Variants in PDS5B observed in about 807,000 individuals in gnomAD.
PDS5B encodes PDS5 cohesin associated factor B.
In PDS5B, 51 loss-of-function variants were observed where a neutral mutation model predicts 184.1. That is an observed-to-expected ratio of 0.28 (90% CI 0.22 to 0.35). PDS5B has a LOEUF of 0.35. Among genes scored for constraint, PDS5B ranks in the 10% least tolerant of loss-of-function variants. The pLI, the probability that PDS5B is intolerant of heterozygous loss-of-function variation, is 1.00. For missense variants in PDS5B, 1,180 were observed against 1,723.3 expected (o/e 0.68, Z 5.58); for synonymous variants, 566 against 569.2 (o/e 0.99, Z 0.08).
At chr13:32,661,646 G>A (rs1002999195) in intron 6 of PDS5B, among the ~76,000 whole-genome samples, 8 of 151,730 alleles carry the variant, frequency 5.3e-5, no homozygotes, top group African/African-American at 1.2e-4. Context: ...GGTTAAAGCC[G>A]TTAATTTATG....
At chr13:32,767,311 A>G (rs1365189650) in intron 31 of PDS5B, among the ~76,000 whole-genome samples, 1 of 152,222 alleles carries the variant, frequency 6.6e-6, no homozygotes, top group Non-Finnish European at 1.5e-5. Flanking sequence ...CATTCTTCCT[A>G]AAGGCAAAAT....
intron 1 of PDS5B, among the ~76,000 whole-genome samples, chr13:32,616,457 G>C (rs2058221322): frequency 6.6e-6 from 1 of 152,128 alleles, no homozygotes; most frequent in African/African-American, 2.4e-5. Context: ...TTTGGATTTT[G>C]AGCCAGCACA....
chr13:32,775,654 CCTCT>C lies in PDS5B; in HGVS notation c.*603_*606del, dbSNP rs1323225724. 1 of 456,218 alleles carries C rather than the reference CCTCT, an allele frequency of 2.2e-6. No homozygotes were observed. Among genetic ancestry groups the C allele is most frequent in the South Asian group, 1.6e-5 (1 of 64,504 alleles). 28.3% of individuals were successfully genotyped at this position (456,218 alleles called of 1,614,324 possible). A position where few individuals can be genotyped will look rare whatever the true frequency, so the allele number is the denominator to read the frequency against. On this transcript the variant is annotated 3_prime_UTR_variant, in exon 35 of 35. Coordinates refer to ENST00000315596, the MANE Select transcript of PDS5B (RefSeq NM_015032.4). The stretch of plus-strand genomic sequence containing the variant: ...TGTCTGCCATTACACCAGAAGGATG[CCTCT>C]GATAGGAGGACAACCATGCAAATTG...
intron 20 of PDS5B, among the ~76,000 whole-genome samples, chr13:32,734,145 A>G (rs751263456): frequency 1.3e-5 from 2 of 151,686 alleles, no homozygotes; most frequent in African/African-American, 2.4e-5. Flanking sequence ...TTCCTGGCTT[A>G]GCCTCCTGAG....
intron 1 of PDS5B, among the ~76,000 whole-genome samples, chr13:32,597,601 G>A (rs917712737): frequency 2.6e-5 from 4 of 151,876 alleles, no homozygotes; most frequent in Non-Finnish European, 2.9e-5. Context: ...TGAGGCCGAG[G>A]GGGGGGCGGC....
At chr13:32,773,075 A>G in intron 33 of PDS5B, 114 bp from the exon 34 acceptor site, 1 of 807,494 alleles carries the variant, frequency 1.2e-6, no homozygotes, top group East Asian at 2.7e-5. Flanking sequence ...TGTCTCATAA[A>G]GTAACTGAGG....
At chr13:32,724,177 T>G (rs1396493156) in intron 19 of PDS5B, among the ~76,000 whole-genome samples, 1 of 152,178 alleles carries the variant, frequency 6.6e-6, no homozygotes, top group East Asian at 1.9e-4. Flanking sequence ...AGTGCAGTAG[T>G]CAGATCGTAG....
chr13:32,649,066 A>G, intron 2 of PDS5B, 186 bp downstream of exon 2: 1 of 501,330 alleles, frequency 2.0e-6, no homozygotes, highest in Non-Finnish European at 3.5e-6. Context: ...CTATGATTAA[A>G]GGGACAGCAA....
Position 32,696,891 on chromosome 13 carries a change from T to A in PDS5B, c.1589T>A (p.Met530Lys), listed in dbSNP as rs1192303784. The change falls in exon 15 of 35, where the codon ATG (methionine) becomes AAG (lysine). Residue 530 changes from methionine (M) to lysine (K), a missense_variant. Physicochemically the swap from Met to Lys is moderately conservative, Grantham distance 95 (BLOSUM62 -1). This residue lies in a region of PDS5B where 475 missense variants were observed against 691.5 expected (regional missense o/e 0.69). Coordinates refer to ENST00000315596, the MANE Select transcript of PDS5B (RefSeq NM_015032.4). ...ASVKAIFSKVMVITRNLPDPG... is the reference protein window; with the variant it reads ...ASVKAIFSKVKVITRNLPDPG... ...GTCAAGGCCATATTTTCAAAAGTGA[T>A]GGTTATTACAAGTAAGTTATTTTAA... The A allele has an allele frequency of 6.4e-7, 1 of 1,563,100 alleles. No individual in the cohort carries two copies.
intron 1 of PDS5B, among the ~76,000 whole-genome samples, chr13:32,601,705 C>G (rs1035144169): frequency 6.6e-6 from 1 of 152,182 alleles, no homozygotes; most frequent in Non-Finnish European, 1.5e-5. Flanking sequence ...GGACATTTAT[C>G]TTTAAATGGT....
chr13:32,617,385 A>G (rs1353348753), intron 1 of PDS5B, among the ~76,000 whole-genome samples: 1 of 152,226 alleles, frequency 6.6e-6, no homozygotes, highest in East Asian at 1.9e-4. Context: ...CAACACAGAC[A>G]TACTGTTTTG....
intron 24 of PDS5B, among the ~76,000 whole-genome samples, chr13:32,748,291 A>G (rs1953834435): frequency 6.6e-6 from 1 of 151,780 alleles, no homozygotes; most frequent in African/African-American, 2.4e-5. Context: ...ATATTTTGTC[A>G]TTTGCCTTTG....
At chr13:32,763,540 C>T (rs1227059791) in intron 30 of PDS5B, 1 of 151,968 alleles carries the variant, frequency 6.6e-6, no homozygotes, top group Non-Finnish European at 1.5e-5. Context: ...AACTCACTGC[C>T]TTTCGACCAC....
At chr13:32,656,533 G>A (rs1351819958) in intron 3 of PDS5B, among the ~76,000 whole-genome samples, 1 of 148,358 alleles carries the variant, frequency 6.7e-6, no homozygotes, top group Non-Finnish European at 1.5e-5. Context: ...TGTAATTCTT[G>A]TTGTGGAGGT....
In PDS5B at chr13:32,770,434, A is replaced by G; in HGVS notation, c.3938A>G (p.Lys1313Arg). Residue 1313 changes from lysine to arginine, a missense_variant, in exon 32 of 35, where the codon AAA becomes AGA. Coordinates refer to ENST00000315596, the MANE Select transcript of PDS5B (RefSeq NM_015032.4). The stretch of plus-strand genomic sequence containing the variant: ...GAGCCAACAATGAAAACTTCTAAAA[A>G]AGGAAGCAAAAAAAAATCTGGACCT... ...KEEPTMKTSK[K>R]GSKKKSGPPA... is the part of the protein sequence containing the mutation. The G allele has an allele frequency of 6.2e-7, 1 of 1,613,624 alleles. No homozygotes were observed. Among genetic ancestry groups the G allele is most frequent in the Non-Finnish European group, 8.5e-7 (1 of 1,179,914 alleles).
chr13:32,612,226 C>T (rs1349423603), intron 1 of PDS5B, among the ~76,000 whole-genome samples: 2 of 151,942 alleles, frequency 1.3e-5, no homozygotes, highest in East Asian at 1.9e-4. Flanking sequence ...CACCCAAGCC[C>T]AGCTAATTTT....
intron 23 of PDS5B, 60 bp downstream of exon 23, chr13:32,742,787 CTG>C: frequency 1.4e-6 from 2 of 1,417,802 alleles, no homozygotes; most frequent in Non-Finnish European, 2.0e-6. Flanking sequence ...CTTGGTGTAA[CTG>C]TTCAATGGTG....
At chr13:32,630,743 T>C (rs560025924) in intron 1 of PDS5B, among the ~76,000 whole-genome samples, 1 of 152,192 alleles carries the variant, frequency 6.6e-6, no homozygotes, top group East Asian at 1.9e-4. Flanking sequence ...CACCTTGTCA[T>C]AGAGTCCTTT....
chr13:32,661,437 C>T (rs1170561456), intron 6 of PDS5B, among the ~76,000 whole-genome samples: 1 of 137,362 alleles, frequency 7.3e-6, no homozygotes, highest in East Asian at 2.1e-4. Flanking sequence ...AAAATGACCA[C>T]CAAAATATAA....
Sources: allele counts gnomAD v4.1 joint callset (sites outside exome capture counted in the v4.1 genomes callset), GRCh38; gene constraint gnomAD v4.1.1; regional missense constraint gnomAD v4.1.1; transcripts MANE v1.5; gene names NCBI Gene and HGNC (gene_info 2026-07-23, HGNC 2026-07-21).